Variants in TRAPPC8 observed in about 807,000 individuals in gnomAD.
The protein encoded by TRAPPC8 is trafficking protein particle complex subunit 8, also known as general sporulation gene 1 homolog.
A neutral mutation model predicts 174.3 loss-of-function variants in TRAPPC8; 54 were observed. That is an observed-to-expected ratio of 0.31 (90% CI 0.25 to 0.39). The LOEUF (loss-of-function observed/expected upper bound fraction) is 0.39, where lower values mean the gene tolerates loss of function less well. Among genes scored for constraint, TRAPPC8 ranks in the 10% least tolerant of loss-of-function variants. TRAPPC8 has a pLI of 1.00. For missense variants in TRAPPC8, 1,531 were observed against 1,699.1 expected (o/e 0.90, Z 1.74); for synonymous variants, 630 against 579.9 (o/e 1.09, Z -1.24).
At chr18:31,930,138 T>TA (rs543964702) in intron 2 of TRAPPC8, among the ~76,000 whole-genome samples, 32 of 150,522 alleles carry the variant, frequency 2.1e-4, no homozygotes, top group East Asian at 9.7e-4. Flanking sequence ...TTTTTTTTTT[T>TA]AAACAGAGTC....
At chr18:31,867,865 C>T (rs1238990874) in intron 16 of TRAPPC8, among the ~76,000 whole-genome samples, 1 of 151,900 alleles carries the variant, frequency 6.6e-6, no homozygotes, top group Admixed American at 6.6e-5. Flanking sequence ...GGTGACAGAG[C>T]GAGACTCTGT....
At chr18:31,844,817 A>G (rs1006452923) in intron 26 of TRAPPC8, among the ~76,000 whole-genome samples, 4 of 152,206 alleles carry the variant, frequency 2.6e-5, no homozygotes, top group Admixed American at 6.5e-5. Flanking sequence ...AAGGAAAAAC[A>G]GTAACTTGAC....
intron 1 of TRAPPC8, among the ~76,000 whole-genome samples, chr18:31,937,196 G>C (rs1435760335): frequency 2.0e-5 from 3 of 152,168 alleles, no homozygotes; most frequent in Admixed American, 1.3e-4. Flanking sequence ...CTGGGTGACA[G>C]AGCGAGACTC....
rs147595568 is a variant in TRAPPC8 at position 31,886,200 on chromosome 18, G to A, written c.1728+4535C>T. Among the ~76,000 whole-genome samples, 451 of 151,648 alleles carry A rather than the reference G, an allele frequency of 3.0e-3. 2 individuals carry two copies. The highest frequency in any genetic ancestry group is 9.5e-3 in the African/African-American group (393 of 41,358). ...TTTTTCGTATTTTTAGTAGAGATGG[G>A]GTTTCTCCATGTTGGTCAGACTGGT... is the stretch of plus-strand genomic sequence containing the variant. On this transcript the variant is annotated intron_variant, in intron 12 of 28. Coordinates refer to ENST00000283351, the MANE Select transcript of TRAPPC8 (RefSeq NM_014939.5).
chr18:31,884,914 C>T (rs1345246323), intron 12 of TRAPPC8, among the ~76,000 whole-genome samples: 2 of 148,748 alleles, frequency 1.3e-5, no homozygotes, highest in Non-Finnish European at 3.0e-5. Flanking sequence ...AGTGCAGTGG[C>T]GCGATATCAG....
chr18:31,901,122 T>C (rs1402787935), intron 9 of TRAPPC8, 97 bp from the exon 10 acceptor site: 1 of 1,041,226 alleles, frequency 9.6e-7, no homozygotes, highest in Non-Finnish European at 1.4e-6. Context: ...GCTGTTTTTT[T>C]TTTAACTGGA....
intron 9 of TRAPPC8, among the ~76,000 whole-genome samples, chr18:31,902,126 T>G (rs2036454988): frequency 6.6e-6 from 1 of 152,108 alleles, no homozygotes. Context: ...GCCAGCCTTG[T>G]GAACATGGTG....
At chr18:31,894,198 T>C (rs368686273) in intron 11 of TRAPPC8, among the ~76,000 whole-genome samples, 2 of 152,352 alleles carry the variant, frequency 1.3e-5, no homozygotes, top group African/African-American at 4.8e-5. Context: ...TACCATGTTT[T>C]CATATCTTGG....
chr18:31,906,183 A>C (rs960201657), intron 9 of TRAPPC8, among the ~76,000 whole-genome samples: 1 of 151,736 alleles, frequency 6.6e-6, no homozygotes, highest in Admixed American at 6.6e-5. Context: ...ACGAAAAAAA[A>C]AAAAAAAATT....
At chr18:31,888,865 G>A (rs564213767) in intron 12 of TRAPPC8, among the ~76,000 whole-genome samples, 2 of 152,190 alleles carry the variant, frequency 1.3e-5, no homozygotes, top group African/African-American at 4.8e-5. Context: ...CATGGCACAC[G>A]TTTACCTATG....
rs369568785 is a variant in TRAPPC8, at chr18:31,857,719, G to A, written c.3009C>T (p.Asp1003=). ...TALISSASSV[D]FGIGTGSQPE... is the part of the protein sequence containing the mutation. ...GTTGACTTCCTGTGCCAATGCCAAAGTCTACAGAAGAAGCTGATGATATGA... is the reference window on the plus strand; with the variant it reads ...GTTGACTTCCTGTGCCAATGCCAAAATCTACAGAAGAAGCTGATGATATGA... Residue 1003 remains aspartate (D), a synonymous_variant, in exon 20 of 29, where the codon GAC becomes GAT. Coordinates refer to ENST00000283351, the MANE Select transcript of TRAPPC8 (RefSeq NM_014939.5). The A allele has an allele frequency of 1.1e-5, 17 of 1,614,056 alleles. No individual in the cohort carries two copies. The African/African-American group carries it at 2.3e-4, about 22-fold the overall frequency.
intron 19 of TRAPPC8, among the ~76,000 whole-genome samples, chr18:31,864,278 A>T (rs2034481379): frequency 6.6e-6 from 1 of 151,812 alleles, no homozygotes; most frequent in Non-Finnish European, 1.5e-5. Flanking sequence ...TTTTATTCAG[A>T]TGCTTCTACA....
At chr18:31,877,489 G>A (rs998394923) in intron 12 of TRAPPC8, among the ~76,000 whole-genome samples, 1 of 151,780 alleles carries the variant, frequency 6.6e-6, no homozygotes, top group Non-Finnish European at 1.5e-5. Context: ...GCGGGCGCCT[G>A]TAGTCCCACC....
chr18:31,857,520 A>AT lies in TRAPPC8; in HGVS notation c.3188+19dup, dbSNP rs771374904. 8 of 1,533,996 alleles carry AT rather than the reference A, an allele frequency of 5.2e-6. No homozygotes were observed. The African/African-American group carries it at 1.1e-4, about 21-fold the overall frequency. On this transcript the variant is annotated intron_variant, in intron 20 of 28. Transcript: ENST00000283351. ...ACATTGAACATAGATGTTAAATTTTATAAGTTTTATAATACTAACCGTATT... is the reference window on the plus strand; with the variant it reads ...ACATTGAACATAGATGTTAAATTTTATTAAGTTTTATAATACTAACCGTATT...
intron 1 of TRAPPC8, chr18:31,939,327 A>G (rs528868685): frequency 6.6e-6 from 1 of 152,272 alleles, no homozygotes; most frequent in East Asian, 1.9e-4. Context: ...CTAATCTCCA[A>G]AACTTTCAAC....
intron 5 of TRAPPC8, among the ~76,000 whole-genome samples, chr18:31,910,095 G>C (rs902332630): frequency 6.6e-6 from 1 of 152,086 alleles, no homozygotes; most frequent in African/African-American, 2.4e-5. Flanking sequence ...TGCCTCTTAA[G>C]TAAGGAATAA....
At chr18:31,936,945 G>A (rs2038130156) in intron 1 of TRAPPC8, among the ~76,000 whole-genome samples, 1 of 149,564 alleles carries the variant, frequency 6.7e-6, no homozygotes, top group Non-Finnish European at 1.5e-5. Flanking sequence ...AGGCGCGGTG[G>A]CTCACGCCTG....
chr18:31,913,118 ACT>A (rs1487678771), intron 5 of TRAPPC8, among the ~76,000 whole-genome samples: 2 of 151,226 alleles, frequency 1.3e-5, no homozygotes, highest in Non-Finnish European at 2.9e-5. Context: ...ACAGAGCAAG[ACT>A]CTGTCTCAAA....
At chr18:31,939,977 AAT>A (rs1238025450) in intron 1 of TRAPPC8, among the ~76,000 whole-genome samples, 1 of 152,240 alleles carries the variant, frequency 6.6e-6, no homozygotes, top group African/African-American at 2.4e-5. Context: ...AGCACTGTCC[AAT>A]ACAGTAGGCA....
Sources: allele counts gnomAD v4.1 joint callset (sites outside exome capture counted in the v4.1 genomes callset), GRCh38; gene constraint gnomAD v4.1.1; transcripts MANE v1.5; gene names NCBI Gene and HGNC (gene_info 2026-07-23, HGNC 2026-07-21).